TAFA1: variants seen among roughly 807,000 people sequenced by gnomAD.
TAFA1 encodes the protein TAFA chemokine like family member 1.
A neutral mutation model predicts 18.5 loss-of-function variants in TAFA1; 4 were observed. The ratio of observed to expected loss-of-function variants is 0.22; its 90% CI spans 0.11 to 0.49. The LOEUF is 0.49. Among genes scored for constraint, TAFA1 ranks in the 20% least tolerant of loss-of-function variants. The pLI is 0.98. For synonymous variants in TAFA1, 56 were observed against 55.2 expected (o/e 1.01, Z -0.06); for missense variants, 147 against 169.0 (o/e 0.87, Z 0.72).
chr3:68,344,001 G>A (rs1456622927), intron 2 of TAFA1, among the ~76,000 whole-genome samples: 1 of 151,998 alleles, frequency 6.6e-6, no homozygotes, highest in Non-Finnish European at 1.5e-5. Context: ...GCGCCACCAC[G>A]CCTGGTTAAT....
chr3:68,345,887 T>C (rs1037774366), intron 2 of TAFA1, among the ~76,000 whole-genome samples: 1 of 152,166 alleles, frequency 6.6e-6, no homozygotes, highest in Admixed American at 6.5e-5. Context: ...ACATTCTCTT[T>C]TTTAGAGATA....
chr3:68,006,670 T>C lies in TAFA1; in HGVS notation c.44T>C (p.Ile15Thr), dbSNP rs1704364164. The change falls in exon 2 of 5, where the codon ATA becomes ACA. Residue 15 changes from isoleucine (I) to threonine (T), a missense_variant. Ile to Thr is a moderately conservative substitution (Grantham distance 89, BLOSUM62 -1). Transcript: ENST00000478136. ...ATGTCCTGGGTCCTGTATTTGTGGATAAGTGCTTGTGCAATGCTACTCTGC... is the reference window on the plus strand; with the variant it reads ...ATGTCCTGGGTCCTGTATTTGTGGACAAGTGCTTGTGCAATGCTACTCTGC... ...SAMSWVLYLW[I>T]SACAMLLCHG... The C allele has an allele frequency of 2.5e-6, 4 of 1,613,886 alleles. No individual in the cohort carries two copies. The highest frequency in any genetic ancestry group is 3.4e-6 in the Non-Finnish European group (4 of 1,179,880).
intron 2 of TAFA1, among the ~76,000 whole-genome samples, chr3:68,331,817 C>A (rs1405462152): frequency 1.3e-5 from 2 of 149,896 alleles, no homozygotes; most frequent in Non-Finnish European, 3.0e-5. Context: ...AATAAAGGCA[C>A]CAAGAATGAA....
intron 3 of TAFA1, among the ~76,000 whole-genome samples, chr3:68,502,971 A>G (rs1190554396): frequency 1.3e-5 from 2 of 152,202 alleles, no homozygotes; most frequent in African/African-American, 2.4e-5. Context: ...AATGTGATGT[A>G]TCCATGCAAT....
chr3:68,075,698 CTTTTTTTT>C, intron 2 of TAFA1, among the ~76,000 whole-genome samples: 1 of 139,442 alleles, frequency 7.2e-6, no homozygotes, highest in East Asian at 2.1e-4. Flanking sequence ...TCTTCTTTCC[CTTTTTTTT>C]TTTTTTTTTG....
chr3:68,318,870 T>C (rs1438288185), intron 2 of TAFA1, among the ~76,000 whole-genome samples: 1 of 152,176 alleles, frequency 6.6e-6, no homozygotes, highest in Admixed American at 6.5e-5. Context: ...ATATACCTAC[T>C]AATAAAAGAA....
At chr3:68,412,090 A>C (rs2070729812) in intron 2 of TAFA1, among the ~76,000 whole-genome samples, 1 of 152,192 alleles carries the variant, frequency 6.6e-6, no homozygotes, top group South Asian at 2.1e-4. Flanking sequence ...TCCTGGCCTC[A>C]TGTGTGTAAA....
chr3:68,198,091 C>G (rs908036830), intron 2 of TAFA1, among the ~76,000 whole-genome samples: 1 of 151,564 alleles, frequency 6.6e-6, no homozygotes, highest in African/African-American at 2.4e-5. Context: ...TAAAGTTTTG[C>G]CTTTTCCAGA....
chr3:68,188,542 G>GAA (rs2066299021), intron 2 of TAFA1, among the ~76,000 whole-genome samples: 1 of 148,578 alleles, frequency 6.7e-6, no homozygotes, highest in African/African-American at 2.5e-5. Flanking sequence ...GAGAGAGAGA[G>GAA]TACCATCAGA....
At chr3:68,492,190 T>C (rs893950240) in intron 3 of TAFA1, among the ~76,000 whole-genome samples, 87 of 152,188 alleles carry the variant, frequency 5.7e-4, no homozygotes, top group Non-Finnish European at 2.4e-4. Flanking sequence ...CTGGTTATAA[T>C]TGCATTGCTC....
intron 2 of TAFA1, among the ~76,000 whole-genome samples, chr3:68,285,156 T>A (rs534276249): frequency 2.4e-4 from 37 of 152,020 alleles, no homozygotes; most frequent in Non-Finnish European, 4.7e-4. Context: ...CTATATTGAG[T>A]GAAAGAAGCA....
At chr3:68,460,846 C>A (rs1263861125) in intron 3 of TAFA1, among the ~76,000 whole-genome samples, 1 of 152,148 alleles carries the variant, frequency 6.6e-6, no homozygotes, top group Non-Finnish European at 1.5e-5. Context: ...ACATAGGGAA[C>A]CCCATTAGAC....
chr3:68,113,883 G>T (rs7430368), intron 2 of TAFA1, among the ~76,000 whole-genome samples: 15,514 of 137,314 alleles, frequency 0.11, 1,083 homozygotes, highest in Non-Finnish European at 0.15. Flanking sequence ...ACAGTTTGGG[G>T]TGTAGTTTTT....
intron 4 of TAFA1, among the ~76,000 whole-genome samples, chr3:68,541,641 T>C (rs2073377087): frequency 1.3e-5 from 2 of 152,078 alleles, no homozygotes; most frequent in Admixed American, 1.3e-4. Flanking sequence ...TGAGAATAAT[T>C]CAAAGACAGT....
At chr3:68,150,374 T>G (rs971759537) in intron 2 of TAFA1, among the ~76,000 whole-genome samples, 1 of 152,172 alleles carries the variant, frequency 6.6e-6, no homozygotes, top group Non-Finnish European at 1.5e-5. Context: ...AAGAACATGC[T>G]CAAATTCCCA....
At chr3:68,008,891 C>A (rs1000926831) in intron 2 of TAFA1, among the ~76,000 whole-genome samples, 16 of 152,084 alleles carry the variant, frequency 1.1e-4, no homozygotes, top group African/African-American at 3.9e-4. Context: ...GACTTTTCTG[C>A]TCTCATTCCC....
intron 2 of TAFA1, among the ~76,000 whole-genome samples, chr3:68,286,101 C>G (rs1404658738): frequency 6.6e-6 from 1 of 151,952 alleles, no homozygotes. Flanking sequence ...GTCCCAGCTA[C>G]TCGGGAGGCT....
chr3:68,279,921 A>G (rs1559596990), intron 2 of TAFA1, among the ~76,000 whole-genome samples: 1 of 152,172 alleles, frequency 6.6e-6, no homozygotes, highest in Non-Finnish European at 1.5e-5. Context: ...ATACAACTGT[A>G]GATTTTTCCA....
intron 2 of TAFA1, among the ~76,000 whole-genome samples, chr3:68,319,564 G>C (rs2068663769): frequency 6.6e-6 from 1 of 152,186 alleles, no homozygotes; most frequent in African/African-American, 2.4e-5. Context: ...ATGGCTTATT[G>C]CTCAAGTTTT....
Sources: allele counts gnomAD v4.1 joint callset (sites outside exome capture counted in the v4.1 genomes callset), GRCh38; gene constraint gnomAD v4.1.1; transcripts MANE v1.5; gene names NCBI Gene and HGNC (gene_info 2026-07-23, HGNC 2026-07-21).